Variants in CCDC30 observed in about 807,000 individuals in gnomAD.
CCDC30 encodes coiled-coil domain-containing protein 30.
A neutral mutation model predicts 100.2 loss-of-function variants in CCDC30; 70 were observed. The ratio of observed to expected loss-of-function variants is 0.70; its 90% CI spans 0.58 to 0.85. The LOEUF (loss-of-function observed/expected upper bound fraction) is 0.85. Among genes scored for constraint, CCDC30 ranks in the 40% least tolerant of loss-of-function variants. The probability of loss-of-function intolerance (pLI) is 0.00; values close to 1 mark genes in which losing one functional copy is unlikely to be tolerated. For synonymous variants in CCDC30, 233 were observed against 269.5 expected, an observed-to-expected ratio of 0.86 and a Z score of 1.33; for missense variants, 652 against 771.2, an observed-to-expected ratio of 0.85 and a Z score of 1.83.
intron 7 of CCDC30, among the ~76,000 whole-genome samples, chr1:42,567,663 T>A (rs1488535039): frequency 6.6e-6 from 1 of 152,196 alleles, no homozygotes; most frequent in Non-Finnish European, 1.5e-5. Context: ...AAATTCTAAA[T>A]CTTTATCACA....
upstream of CCDC30, among the ~76,000 whole-genome samples, chr1:42,463,126 T>G (rs564913768): frequency 6.6e-6 from 1 of 152,366 alleles, no homozygotes; most frequent in African/African-American, 2.4e-5. Flanking sequence ...AGTTGTACTA[T>G]CGATACGGCC....
intron 6 of CCDC30, among the ~76,000 whole-genome samples, chr1:42,507,875 G>T (rs1354680722): frequency 6.7e-6 from 1 of 148,468 alleles, no homozygotes; most frequent in African/African-American, 2.4e-5. Context: ...GATAACACTT[G>T]TATTTTACCA....
chr1:42,481,788 A>T (rs1389527649), intron 2 of CCDC30, among the ~76,000 whole-genome samples: 1 of 152,190 alleles, frequency 6.6e-6, no homozygotes, highest in Non-Finnish European at 1.5e-5. Context: ...TGTGAATTTA[A>T]GTATGGGAGG....
chr1:42,601,665 A>G (rs912708847), intron 10 of CCDC30, among the ~76,000 whole-genome samples: 4 of 152,260 alleles, frequency 2.6e-5, no homozygotes, highest in Non-Finnish European at 4.4e-5. Context: ...AGGGGATTCA[A>G]CAGGTGAACT....
At chr1:42,605,753 C>T (rs1337036144) in intron 10 of CCDC30, among the ~76,000 whole-genome samples, 1 of 152,086 alleles carries the variant, frequency 6.6e-6, no homozygotes, top group Non-Finnish European at 1.5e-5. Context: ...TCCCAAAATG[C>T]TTGGATTACA....
intron 7 of CCDC30, chr1:42,568,942 CA>C (rs57399811): frequency 0.22 from 20,132 of 89,928 alleles, 1,324 homozygotes; most frequent in Middle Eastern, 0.28. Flanking sequence ...GAATCTGTCT[CA>C]AAAAAAAAAA....
intron 11 of CCDC30, among the ~76,000 whole-genome samples, chr1:42,621,623 T>C (rs1032394817): frequency 1.3e-5 from 2 of 152,138 alleles, no homozygotes; most frequent in Non-Finnish European, 2.9e-5. Flanking sequence ...GCCATTCTCC[T>C]GCCTCAGCCT....
chr1:42,456,860 C>T, the CCDC30 span: 1 of 1,613,396 alleles, frequency 6.2e-7, no homozygotes, highest in Admixed American at 1.7e-5. Flanking sequence ...CTTCCCACCC[C>T]AGACTTGGCT....
intron 2 of CCDC30, among the ~76,000 whole-genome samples, chr1:42,481,790 T>G (rs1643962589): frequency 6.6e-6 from 1 of 152,054 alleles, no homozygotes; most frequent in Non-Finnish European, 1.5e-5. Flanking sequence ...TGAATTTAAG[T>G]ATGGGAGGTA....
downstream of CCDC30, among the ~76,000 whole-genome samples, chr1:42,655,824 T>C (rs749341805): frequency 7.9e-5 from 12 of 151,636 alleles, no homozygotes; most frequent in Non-Finnish European, 1.8e-4. Context: ...GTGGATGTTC[T>C]ATAAATTAAA....
chr1:42,646,287 C>T (rs1224511283), exon 15 of CCDC30: 1 of 1,544,508 alleles, frequency 6.5e-7, no homozygotes, highest in Non-Finnish European at 8.7e-7. Context: ...TTCCTGAGGC[C>T]ACAGAGAAGT....
At chr1:42,510,424 C>G (rs1160250970) in intron 6 of CCDC30, among the ~76,000 whole-genome samples, 1 of 151,962 alleles carries the variant, frequency 6.6e-6, no homozygotes, top group Non-Finnish European at 1.5e-5. Context: ...TTTGGGGGGC[C>G]AAGGTGGGCA....
At chr1:42,534,578 T>G (rs11210663) in intron 6 of CCDC30, among the ~76,000 whole-genome samples, 58,688 of 152,080 alleles carry the variant, frequency 0.39, 11,799 homozygotes, top group East Asian at 0.59. Flanking sequence ...TCATCAGCTT[T>G]GGATTGTTAT....
At chr1:42,575,920 TG>T (rs1645827637) in intron 7 of CCDC30, among the ~76,000 whole-genome samples, 1 of 152,158 alleles carries the variant, frequency 6.6e-6, no homozygotes, top group Admixed American at 6.5e-5. Flanking sequence ...AAAGCATTTC[TG>T]GCAGAGGGAA....
intron 7 of CCDC30, among the ~76,000 whole-genome samples, chr1:42,572,893 C>G (rs1645761719): frequency 6.6e-6 from 1 of 152,234 alleles, no homozygotes; most frequent in South Asian, 2.1e-4. Context: ...TGTGGGATTA[C>G]AGGCGTGAGC....
At chr1:42,633,063 G>A (rs1265378150) in intron 11 of CCDC30, among the ~76,000 whole-genome samples, 1 of 152,096 alleles carries the variant, frequency 6.6e-6, no homozygotes, top group Non-Finnish European at 1.5e-5. Flanking sequence ...GCCCGCCTCT[G>A]CCTCCCAAAG....
At chr1:42,539,056 A>T in intron 6 of CCDC30, 117 bp from the exon 8 acceptor site, 1 of 780,762 alleles carries the variant, frequency 1.3e-6, no homozygotes, top group Non-Finnish European at 1.9e-6. Context: ...AGGTTGGAAT[A>T]TTTAAAACAA....
At chr1:42,608,383 CATT>C (rs1159792371) in intron 10 of CCDC30, among the ~76,000 whole-genome samples, 1 of 152,144 alleles carries the variant, frequency 6.6e-6, no homozygotes, top group African/African-American at 2.4e-5. Flanking sequence ...GACATGCCAT[CATT>C]GTTATAGAAA....
Position 42,564,573 on chromosome 1 carries a change from G to A in CCDC30, c.457-1723G>A, listed in dbSNP as rs1645567907. Among the ~76,000 whole-genome samples, 3 of 152,004 alleles carry A rather than the reference G, an allele frequency of 2.0e-5. No homozygotes were observed. In the South Asian group the frequency reaches 6.2e-4, roughly 32 times the overall value. On this transcript the variant is annotated intron_variant, in intron 6 of 16. Transcript: ENST00000668663. ...GAGCCACCACGCCCAGCCTATTCAG[G>A]ATTATTGACAAATGTTGTATGTTTG...
Sources: gnomAD v4.1 joint callset for allele counts (sites outside exome capture counted in the v4.1 genomes callset) on GRCh38, gnomAD v4.1.1 for gene constraint, MANE v1.5 for transcripts, NCBI Gene and HGNC (gene_info 2026-07-23, HGNC 2026-07-21) for gene names.